The following FRMPD4 variants were observed in gnomAD, a reference collection of about 807,000 sequenced individuals.
FRMPD4 encodes the protein FERM and PDZ domain containing 4.
A neutral mutation model predicts 94.1 loss-of-function variants in FRMPD4; 22 were observed. That is an observed-to-expected ratio of 0.23 (90% confidence interval 0.17 to 0.33). The LOEUF is 0.33. FRMPD4 is among the 10% of genes least tolerant of loss of function. The pLI is 1.00. For synonymous variants in FRMPD4, 631 were observed against 548.6 expected (o/e 1.15, Z -2.10); for missense variants, 1,111 against 1,339.9 (o/e 0.83, Z 2.67).
intron 1 of FRMPD4, among the ~76,000 whole-genome samples, chrX:11,841,013 C>T (rs757116714): frequency 3.2e-3 from 338 of 106,281 alleles, no homozygotes; most frequent in Non-Finnish European, 5.2e-3. Context: ...TTTGTTCTTG[C>T]GATAGTTTAC....
At position 12,166,573 on chromosome X, in the gene FRMPD4, A is replaced by C. The variant is rs61559657; in HGVS notation, c.41+27561A>C. Among the ~76,000 whole-genome samples the C allele has an allele frequency of 3.0e-4, 33 of 111,392 alleles. 1 individual carries two copies. The highest frequency in any genetic ancestry group is 4.1e-4 in the Non-Finnish European group (22 of 53,037). ...GGATGATGCTGGCCTCATAAAATGA[A>C]TTAGGGAGGATTCCATCTTTTTCTA... On this transcript the variant is annotated intron_variant, in intron 1 of 16. Transcript: ENST00000675598.
chrX:12,183,025 G>A (rs911980437), intron 1 of FRMPD4, among the ~76,000 whole-genome samples: 6 of 111,043 alleles, frequency 5.4e-5, no homozygotes, highest in Non-Finnish European at 1.1e-4. Flanking sequence ...TTGAAGTCTC[G>A]TCCTGCTGCT....
intron 1 of FRMPD4, among the ~76,000 whole-genome samples, chrX:12,176,414 C>CA (rs971126392): frequency 1.1e-4 from 12 of 110,471 alleles, no homozygotes; most frequent in Non-Finnish European, 2.1e-4. Flanking sequence ...CCAATCAAGA[C>CA]AAAAAAAAGC....
chrX:12,421,931 C>G (rs34488358), intron 1 of FRMPD4, among the ~76,000 whole-genome samples: 18,907 of 110,612 alleles, frequency 0.17, 1,186 homozygotes, highest in South Asian at 0.25. Flanking sequence ...ATGTTCTTCC[C>G]TCTTGCCCTT....
intron 3 of FRMPD4, among the ~76,000 whole-genome samples, chrX:12,020,172 G>T (rs915426266): frequency 9.0e-6 from 1 of 111,532 alleles, no homozygotes; most frequent in Non-Finnish European, 1.9e-5. Context: ...TCCTGATCTA[G>T]GTGCTAACTC....
chrX:12,158,655 A>G (rs1002693920), intron 1 of FRMPD4, among the ~76,000 whole-genome samples: 2 of 111,995 alleles, frequency 1.8e-5, no homozygotes, highest in Admixed American at 1.9e-4. Flanking sequence ...AGTCATGTTT[A>G]TTAGACACAT....
chrX:12,656,398 T>A (rs2059656384), intron 4 of FRMPD4, among the ~76,000 whole-genome samples: 1 of 112,117 alleles, frequency 8.9e-6, no homozygotes, highest in Non-Finnish European at 1.9e-5. Flanking sequence ...AAAAGACATA[T>A]GCAAGACTGT....
intron 14 of FRMPD4, 68 bp from the exon 15 acceptor site, chrX:12,716,001 T>TGGGGGCCCCCCCCCCCCCCC: frequency 4.3e-6 from 1 of 231,656 alleles, no homozygotes; most frequent in Non-Finnish European, 8.2e-6. Flanking sequence ...GAGACGAGCC[T>TGGGGGCCCCCCCCCCCCCCC]CCCACCCCCG....
At chrX:12,234,394 C>A (rs1054820387) in intron 1 of FRMPD4, among the ~76,000 whole-genome samples, 7 of 111,727 alleles carry the variant, frequency 6.3e-5, no homozygotes, top group Admixed American at 4.8e-4. Flanking sequence ...CAGCATAAAT[C>A]TTTTATTAGA....
intron 3 of FRMPD4, among the ~76,000 whole-genome samples, chrX:11,897,866 G>A (rs963409718): frequency 8.9e-6 from 1 of 111,867 alleles, no homozygotes; most frequent in Non-Finnish European, 1.9e-5. Flanking sequence ...TGGTAAAACC[G>A]GGGCTGGCTA....
chrX:12,668,594 C>CTACTTTTT (rs1424750731), intron 4 of FRMPD4, among the ~76,000 whole-genome samples: 4 of 92,027 alleles, frequency 4.3e-5, no homozygotes, highest in African/African-American at 1.7e-4. Context: ...TGAATGGAAA[C>CTACTTTTT]TACTTTTTTT....
intron 1 of FRMPD4, among the ~76,000 whole-genome samples, chrX:12,254,536 G>A (rs2054088525): frequency 8.9e-6 from 1 of 111,741 alleles, no homozygotes; most frequent in South Asian, 3.8e-4. Flanking sequence ...TGGCAGAAAG[G>A]CAGGCATGTA....
intron 1 of FRMPD4, among the ~76,000 whole-genome samples, chrX:12,428,643 C>T (rs1389665676): frequency 8.9e-6 from 1 of 111,767 alleles, no homozygotes; most frequent in Non-Finnish European, 1.9e-5. Flanking sequence ...TGGAACATAT[C>T]TTCCAGTACT....
At chrX:12,409,115 A>G (rs2077915088) in intron 1 of FRMPD4, among the ~76,000 whole-genome samples, 1 of 111,759 alleles carries the variant, frequency 8.9e-6, no homozygotes, top group Admixed American at 9.5e-5. Flanking sequence ...ATGAGGTAAC[A>G]TAAAAAAGTA....
chrX:12,019,201 T>G (rs1285002448), intron 3 of FRMPD4, among the ~76,000 whole-genome samples: 1 of 108,297 alleles, frequency 9.2e-6, no homozygotes, highest in Non-Finnish European at 1.9e-5. Flanking sequence ...GAATGGCAGA[T>G]AATGAGTTTG....
chrX:12,389,223 C>T (rs1254240746), intron 1 of FRMPD4, among the ~76,000 whole-genome samples: 1 of 110,008 alleles, frequency 9.1e-6, no homozygotes, highest in Non-Finnish European at 1.9e-5. Flanking sequence ...CCTGTAATCC[C>T]AGCACTTTGG....
chrX:12,519,366 A>G (rs897662000), intron 2 of FRMPD4, among the ~76,000 whole-genome samples: 6 of 112,531 alleles, frequency 5.3e-5, no homozygotes, highest in African/African-American at 1.6e-4. Context: ...CCAATGGAAT[A>G]AAATAGAGAG....
rs140770711 is a variant in FRMPD4, at chrX:12,254,546, A to G, written c.41+115534A>G. On this transcript the variant is annotated intron_variant, in intron 1 of 16. Transcript: ENST00000675598. Reference sequence around the variant, plus strand: ...GCTGGTGGCAGAAAGGCAGGCATGTATTAACAGTTTTCTGCTCATCTCAGT... The same window carrying G: ...GCTGGTGGCAGAAAGGCAGGCATGTGTTAACAGTTTTCTGCTCATCTCAGT... Among the ~76,000 whole-genome samples the G allele has an allele frequency of 6.3e-3, 707 of 111,960 alleles. 9 individuals are homozygous for G. The highest frequency in any genetic ancestry group is 0.022 in the African/African-American group (675 of 30,866).
intron 3 of FRMPD4, among the ~76,000 whole-genome samples, chrX:11,975,758 A>G (rs904212106): frequency 1.8e-5 from 2 of 111,783 alleles, no homozygotes; most frequent in African/African-American, 6.5e-5. Flanking sequence ...AACAACTGTC[A>G]TTTACTGCCC....
Sources: gnomAD v4.1 joint callset for allele counts (sites outside exome capture counted in the v4.1 genomes callset) on GRCh38, gnomAD v4.1.1 for gene constraint, MANE v1.5 for transcripts, NCBI Gene and HGNC (gene_info 2026-07-23, HGNC 2026-07-21) for gene names.